Variants in SEC23A observed in about 807,000 individuals in gnomAD.
SEC23A encodes protein transport protein Sec23A.
A neutral mutation model predicts 103.7 loss-of-function variants in SEC23A; 56 were observed. That is an observed-to-expected ratio of 0.54 (90% CI 0.44 to 0.67). The LOEUF (loss-of-function observed/expected upper bound fraction) is 0.67, where lower values mean the gene tolerates loss of function less well. Ranked by LOEUF, SEC23A falls within the 30% of genes least tolerant of loss-of-function variation. SEC23A has a pLI of 0.00. For synonymous variants in SEC23A, 281 were observed against 293.0 expected, an observed-to-expected ratio of 0.96 and a Z score of 0.42; for missense variants, 784 against 936.4, an observed-to-expected ratio of 0.84 and a Z score of 2.12.
intron 1 of SEC23A, among the ~76,000 whole-genome samples, chr14:39,097,616 A>G (rs192376849): frequency 4.6e-5 from 7 of 152,370 alleles, no homozygotes. Flanking sequence ...CAAGCAGTTA[A>G]GAACTTTCTC....
At chr14:39,055,542 G>A (rs1886214774) in intron 13 of SEC23A, among the ~76,000 whole-genome samples, 1 of 151,746 alleles carries the variant, frequency 6.6e-6, no homozygotes, top group Non-Finnish European at 1.5e-5. Context: ...CAAGTAGCTG[G>A]GATTACAGGC....
At position 39,055,449 on chromosome 14, in the gene SEC23A, C is replaced by T. The variant is rs139641320; in HGVS notation, c.1506-153G>A. Reference sequence around the variant, plus strand: ...TTGAGACAGAGTCTCGCTCTGTCACCTAGGCTGCAGTGCAATGGCGCGATC... The same window carrying T: ...TTGAGACAGAGTCTCGCTCTGTCACTTAGGCTGCAGTGCAATGGCGCGATC... On this transcript the variant is annotated intron_variant, in intron 13 of 19. Coordinates refer to ENST00000307712, the MANE Select transcript of SEC23A (RefSeq NM_006364.4). Among the ~76,000 whole-genome samples the T allele has an allele frequency of 6.6e-3, 990 of 150,040 alleles. 11 individuals are homozygous for T. The highest frequency in any genetic ancestry group is 0.023 in the African/African-American group (929 of 40,916).
At chr14:39,061,553 T>C (rs1886479842) in intron 13 of SEC23A, among the ~76,000 whole-genome samples, 1 of 152,152 alleles carries the variant, frequency 6.6e-6, no homozygotes, top group African/African-American at 2.4e-5. Flanking sequence ...TTGAAGGGTG[T>C]GTCTTAGAAG....
intron 13 of SEC23A, among the ~76,000 whole-genome samples, chr14:39,057,515 C>A (rs1462168374): frequency 6.6e-6 from 1 of 152,232 alleles, no homozygotes; most frequent in South Asian, 2.1e-4. Context: ...CAGGCACGGA[C>A]CACCATGCCC....
chr14:39,049,476 C>CA lies in SEC23A; in HGVS notation c.1660-748dup, dbSNP rs879466662. On this transcript the variant is annotated intron_variant, in intron 14 of 19. Transcript: ENST00000307712. ...GGGTGGCAGAGCAAGACTCTGTCTC[C>CA]AAAAAAAAAAAAAATTTGAGCCAAG... Among the ~76,000 whole-genome samples the CA allele has an allele frequency of 3.6e-3, 402 of 112,534 alleles. 1 individual carries two copies. Among genetic ancestry groups the CA allele is most frequent in the African/African-American group, 8.7e-3 (288 of 33,206 alleles). 73.8% of individuals were successfully genotyped at this position (112,534 alleles called of 152,430 possible).
At chr14:39,045,072 G>T in intron 16 of SEC23A, 91 bp downstream of exon 16, 1 of 1,049,200 alleles carries the variant, frequency 9.5e-7, no homozygotes, top group East Asian at 2.5e-5. Flanking sequence ...CTTATATTTA[G>T]TAACTATATG....
rs546243136 is a variant in SEC23A at position 39,070,276 on chromosome 14, C to T, written c.1104-2980G>A. 2.0e-5 allele frequency among the ~76,000 whole-genome samples: 3 copies of T among 152,278 alleles called. No homozygotes were observed. The East Asian group carries it at 5.8e-4, about 29-fold the overall frequency. On this transcript the variant is annotated intron_variant, in intron 9 of 19. Transcript: ENST00000307712. ...TAGATGAATGAATTAAATAAATAAA[C>T]CTGAGAAAGTGTTGACATATCTAAT...
chr14:39,084,238 G>A (rs12896963), intron 7 of SEC23A, among the ~76,000 whole-genome samples: 41,728 of 151,388 alleles, frequency 0.28, 6,683 homozygotes, highest in Non-Finnish European at 0.35. Context: ...ATGTTAGCTA[G>A]GATGGTCTCG....
chr14:39,085,217 G>A (rs1887390513), intron 7 of SEC23A, among the ~76,000 whole-genome samples: 1 of 152,164 alleles, frequency 6.6e-6, no homozygotes, highest in South Asian at 2.1e-4. Flanking sequence ...CCTGGAGGGT[G>A]GTGCCCCAGA....
rs76174474 is a variant in SEC23A, at chr14:39,100,023, A to T, written c.-22+3009T>A. On this transcript the variant is annotated intron_variant, in intron 1 of 19. Transcript: ENST00000307712. ...ACAATAGCCAGGTTTAACTTTCTAC[A>T]ACTGGTTAAAAGGCTGGATTGTATC... 2.2e-3 allele frequency among the ~76,000 whole-genome samples: 330 copies of T among 152,314 alleles called. 2 individuals are homozygous for T. The highest frequency in any genetic ancestry group is 7.8e-3 in the African/African-American group (326 of 41,566).
At chr14:39,091,364 A>AGTT (rs1182146732) in intron 5 of SEC23A, 113 bp downstream of exon 5, 2 of 744,324 alleles carry the variant, frequency 2.7e-6, no homozygotes, top group African/African-American at 3.5e-5. Flanking sequence ...GTTATAATAC[A>AGTT]ATTATATTAG....
Position 39,045,251 on chromosome 14 carries a change from C to T in SEC23A, c.1811G>A (p.Arg604His), listed in dbSNP as rs1163617292. The T allele has an allele frequency of 2.5e-6, 4 of 1,612,402 alleles. No individual in the cohort carries two copies. The highest frequency in any genetic ancestry group is 1.1e-5 in the South Asian group (1 of 91,034). ...CAGATCTTGACGCATAAAATGGTGACGATAATATGAACTCTCATCAGGACT... is the reference window on the plus strand; with the variant it reads ...CAGATCTTGACGCATAAAATGGTGATGATAATATGAACTCTCATCAGGACT... The part of the protein sequence containing the change: ...NNSPDESSYY[R>H]HHFMRQDLTQ... The change falls in exon 16 of 20, where the codon CGT (arginine) becomes CAT (histidine). Residue 604 changes from arginine to histidine, a missense_variant. Coordinates refer to ENST00000307712, the MANE Select transcript of SEC23A (RefSeq NM_006364.4).
chr14:39,047,088 T>C (rs908386867), intron 15 of SEC23A, among the ~76,000 whole-genome samples: 1 of 152,208 alleles, frequency 6.6e-6, no homozygotes, highest in Admixed American at 6.5e-5. Flanking sequence ...GGATGAAGAC[T>C]TCCCTTAAAT....
chr14:39,100,513 A>G (rs1198556630), intron 1 of SEC23A, among the ~76,000 whole-genome samples: 2 of 151,850 alleles, frequency 1.3e-5, no homozygotes, highest in Non-Finnish European at 2.9e-5. Context: ...CCCGGATTCA[A>G]GCAATTCTCC....
chr14:39,070,105 AG>A (rs1886796593), intron 9 of SEC23A, among the ~76,000 whole-genome samples: 1 of 152,248 alleles, frequency 6.6e-6, no homozygotes, highest in Non-Finnish European at 1.5e-5. Context: ...GACAGCACAA[AG>A]AATATATCCA....
intron 12 of SEC23A, 89 bp downstream of exon 12, chr14:39,063,234 GA>G (rs1193205103): frequency 8.4e-5 from 66 of 786,896 alleles, no homozygotes; most frequent in African/African-American, 1.0e-4. Flanking sequence ...TCTACTATAG[GA>G]AAAAAAATAT....
At chr14:39,049,900 C>T (rs1487549231) in intron 14 of SEC23A, among the ~76,000 whole-genome samples, 1 of 151,686 alleles carries the variant, frequency 6.6e-6, no homozygotes, top group Non-Finnish European at 1.5e-5. Context: ...TCACGCCATT[C>T]TCCTGCCTCA....
intron 18 of SEC23A, 97 bp from the exon 19 acceptor site, chr14:39,039,193 T>G (rs367676210): frequency 1.3e-5 from 13 of 985,510 alleles, no homozygotes; most frequent in South Asian, 1.0e-4. Flanking sequence ...TTATTTAGTA[T>G]GTGTTGGTAA....
At position 39,076,001 on chromosome 14, in the gene SEC23A, C is replaced by T; in HGVS notation, c.921G>A (p.Lys307=). ...GPGMVVGDEL[K]TPIRSWHDID... ...TGTCATGCCACGATCTTATAGGTGT[C>T]TTCAACTCATCTCCAACCACCATTC... The change falls in exon 8 of 20, where the codon AAG becomes AAA. Residue 307 remains lysine, a synonymous_variant. Coordinates refer to ENST00000307712, the MANE Select transcript of SEC23A (RefSeq NM_006364.4). 1 of 1,613,868 alleles carries T rather than the reference C, an allele frequency of 6.2e-7. No individual in the cohort carries two copies. The highest frequency in any genetic ancestry group is 1.3e-5 in the African/African-American group (1 of 74,982).
Sources: gnomAD v4.1 joint callset for allele counts (sites outside exome capture counted in the v4.1 genomes callset) on GRCh38, gnomAD v4.1.1 for gene constraint, MANE v1.5 for transcripts, NCBI Gene and HGNC (gene_info 2026-07-23, HGNC 2026-07-21) for gene names.